Variants in SEZ6L observed in about 807,000 individuals in gnomAD.
SEZ6L encodes seizure related 6 homolog like, also known as seizure 6-like protein.
SEZ6L carries 37 observed loss-of-function variants against 106.2 expected under a neutral mutation model. The observed-to-expected ratio is 0.35, with a 90% CI of 0.27 to 0.46. SEZ6L has a LOEUF of 0.46. SEZ6L is among the 20% of genes least tolerant of loss of function. The pLI, the probability that SEZ6L is intolerant of heterozygous loss-of-function variation, is 1.00. For missense variants in SEZ6L, 1,172 were observed against 1,332.8 expected (o/e 0.88, Z 1.88); for synonymous variants, 541 against 570.4 (o/e 0.95, Z 0.73).
intron 5 of SEZ6L, among the ~76,000 whole-genome samples, chr22:26,302,425 G>A (rs1479605605): frequency 2.6e-5 from 4 of 152,316 alleles, no homozygotes; most frequent in African/African-American, 9.6e-5. Flanking sequence ...ATTCTCAAAA[G>A]TCCTGATGGT....
At chr22:26,321,679 G>A (rs2082158856) in intron 9 of SEZ6L, among the ~76,000 whole-genome samples, 1 of 152,202 alleles carries the variant, frequency 6.6e-6, no homozygotes, top group African/African-American at 2.4e-5. Context: ...GACAGTTTTA[G>A]TAAACCAATT....
chr22:26,340,416 C>G lies in SEZ6L; in HGVS notation c.2016-20C>G. ...CCATTCTCTATTTCACATGACTCTC[C>G]CTCTTCTCTGCCCTCCAAGCCTGAA... On this transcript the variant is annotated intron_variant, in intron 9 of 16. Coordinates refer to ENST00000248933, the MANE Select transcript of SEZ6L (RefSeq NM_021115.5). The G allele has an allele frequency of 6.3e-7, 1 of 1,594,396 alleles. No homozygotes were observed. Among genetic ancestry groups the G allele is most frequent in the African/African-American group, 1.3e-5 (1 of 74,250 alleles).
Position 26,382,789 on chromosome 22 carries a change from C to A in SEZ6L, c.*2494C>A, listed in dbSNP as rs563385379. The A allele has an allele frequency of 6.6e-6, 1 of 151,994 alleles. No individual in the cohort carries two copies. Among genetic ancestry groups the A allele is most frequent in the Non-Finnish European group, 1.5e-5 (1 of 68,008 alleles). 9.4% of individuals were successfully genotyped at this position (151,994 alleles called of 1,614,324 possible). On this transcript the variant is annotated 3_prime_UTR_variant, in exon 17 of 17. Transcript: ENST00000248933. ...AAGGCATCTCATTACAGCTCATGTA[C>A]GTCTGTTTTTATAAGATCAATATTA...
At chr22:26,186,540 G>A (rs565420835) in intron 1 of SEZ6L, among the ~76,000 whole-genome samples, 97 of 152,130 alleles carry the variant, frequency 6.4e-4, no homozygotes, top group Non-Finnish European at 1.1e-3. Flanking sequence ...AAACATCAGG[G>A]GTAAGGGAGA....
Position 26,313,805 on chromosome 22 carries a change from T to C in SEZ6L, c.1918T>C (p.Leu640=), listed in dbSNP as rs768150865. The C allele has an allele frequency of 6.2e-6, 10 of 1,613,040 alleles. No individual in the cohort carries two copies. Among genetic ancestry groups the C allele is most frequent in the South Asian group, 1.1e-5 (1 of 91,044 alleles). Reference sequence around the variant, plus strand: ...GCTCTCTGCTGTGGCTGGGGTGGTATTGTCCCCAAACTGGCCCGAGCCCTA... The same window carrying C: ...GCTCTCTGCTGTGGCTGGGGTGGTACTGTCCCCAAACTGGCCCGAGCCCTA... The part of the protein sequence containing the change: ...GELSAVAGVV[L]SPNWPEPYVE... The change falls in exon 9 of 17, where the codon TTG becomes CTG. Residue 640 remains leucine, a synonymous_variant. Transcript: ENST00000248933.
chr22:26,334,488 T>C (rs2082586064), intron 9 of SEZ6L, among the ~76,000 whole-genome samples: 1 of 152,184 alleles, frequency 6.6e-6, no homozygotes, highest in Non-Finnish European at 1.5e-5. Flanking sequence ...GAATAATAAC[T>C]CCGCTGCACA....
intron 1 of SEZ6L, among the ~76,000 whole-genome samples, chr22:26,274,926 C>A (rs976684546): frequency 6.6e-6 from 1 of 152,220 alleles, no homozygotes; most frequent in African/African-American, 2.4e-5. Flanking sequence ...AGAGGTCAAG[C>A]TAATACCAAG....
At chr22:26,235,307 T>C (rs557721425) in intron 1 of SEZ6L, among the ~76,000 whole-genome samples, 5 of 152,334 alleles carry the variant, frequency 3.3e-5, no homozygotes, top group Non-Finnish European at 5.9e-5. Flanking sequence ...GGGAACAAAA[T>C]CACTCTTGGT....
intron 15 of SEZ6L, 67 bp from the exon 16 acceptor site, chr22:26,377,606 C>A: frequency 7.6e-7 from 1 of 1,312,234 alleles, no homozygotes. Flanking sequence ...CCAACTGTTC[C>A]CGTTCAATAT....
intron 1 of SEZ6L, among the ~76,000 whole-genome samples, chr22:26,181,119 G>T (rs986804409): frequency 6.6e-6 from 1 of 152,208 alleles, no homozygotes; most frequent in Admixed American, 6.5e-5. Context: ...TGCAATGCAT[G>T]TCACTACTAT....
chr22:26,366,138 C>T (rs370826899), intron 13 of SEZ6L, among the ~76,000 whole-genome samples: 374 of 152,166 alleles, frequency 2.5e-3, no homozygotes, highest in African/African-American at 8.7e-3. Context: ...TCAAGACCAG[C>T]CTGACCAACA....
intron 1 of SEZ6L, among the ~76,000 whole-genome samples, chr22:26,201,953 G>A (rs1024821303): frequency 1.3e-4 from 20 of 151,966 alleles, no homozygotes; most frequent in Admixed American, 2.0e-4. Context: ...TGGCTCTGTC[G>A]CCCAGGCTGG....
intron 9 of SEZ6L, among the ~76,000 whole-genome samples, chr22:26,325,023 G>A (rs1162118062): frequency 6.6e-6 from 1 of 152,182 alleles, no homozygotes; most frequent in Non-Finnish European, 1.5e-5. Context: ...TCGTGGTCTA[G>A]GTGGGCATAG....
At chr22:26,281,082 G>C (rs1302898441) in intron 1 of SEZ6L, among the ~76,000 whole-genome samples, 1 of 152,180 alleles carries the variant, frequency 6.6e-6, no homozygotes, top group East Asian at 1.9e-4. Flanking sequence ...ACAGTATTGA[G>C]AGGTGGTGAC....
At chr22:26,246,077 T>A (rs1258952569) in intron 1 of SEZ6L, among the ~76,000 whole-genome samples, 11 of 152,232 alleles carry the variant, frequency 7.2e-5, no homozygotes. Flanking sequence ...ACAGGATTGC[T>A]TGTGGGTGTT....
chr22:26,302,358 AC>A (rs1225070447), intron 5 of SEZ6L, among the ~76,000 whole-genome samples: 35 of 152,364 alleles, frequency 2.3e-4, no homozygotes, highest in African/African-American at 8.2e-4. Flanking sequence ...CTGTCCCTGC[AC>A]CAGTGGGCAC....
At chr22:26,373,372 TC>T in intron 13 of SEZ6L, 78 bp from the exon 14 acceptor site, 2 of 1,259,722 alleles carry the variant, frequency 1.6e-6, no homozygotes, top group Non-Finnish European at 1.1e-6. Context: ...GGCTTTTGCA[TC>T]AAATTTTTTG....
chr22:26,210,201 A>C (rs1273045270), intron 1 of SEZ6L, among the ~76,000 whole-genome samples: 1 of 152,154 alleles, frequency 6.6e-6, no homozygotes, highest in Admixed American at 6.5e-5. Flanking sequence ...CACATACCAC[A>C]TCTTCACATT....
chr22:26,262,835 A>G (rs2080059461), intron 1 of SEZ6L, among the ~76,000 whole-genome samples: 1 of 152,238 alleles, frequency 6.6e-6, no homozygotes, highest in East Asian at 1.9e-4. Context: ...CCATGAGTTC[A>G]CTAGACTTTC....
Sources: allele counts gnomAD v4.1 joint callset (sites outside exome capture counted in the v4.1 genomes callset), GRCh38; gene constraint gnomAD v4.1.1; transcripts MANE v1.5; gene names NCBI Gene and HGNC (gene_info 2026-07-23, HGNC 2026-07-21).